The following RANBP2 variants were observed in gnomAD, a reference collection of about 807,000 sequenced individuals.
RANBP2 encodes E3 SUMO-protein ligase RanBP2.
Under a neutral mutation model 303.6 loss-of-function variants are expected in RANBP2, and 57 were observed. The observed-to-expected ratio is 0.19, with a 90% CI of 0.15 to 0.23. The LOEUF (loss-of-function observed/expected upper bound fraction) is 0.23. Among genes scored for constraint, RANBP2 ranks in the 10% least tolerant of loss-of-function variants. The pLI is 1.00. For synonymous variants in RANBP2, 1,167 were observed against 1,301.5 expected (o/e 0.90, Z 2.23); for missense variants, 3,138 against 3,780.8 (o/e 0.83, Z 4.46).
the RANBP2 span, among the ~76,000 whole-genome samples, chr2:109,158,595 G>T: frequency 6.6e-6 from 1 of 152,182 alleles, no homozygotes; most frequent in East Asian, 1.9e-4. Context: ...TCGCTGCCTG[G>T]GATGATAAGG....
chr2:109,231,058 T>C, the RANBP2 span, among the ~76,000 whole-genome samples: 56 of 152,314 alleles, frequency 3.7e-4, no homozygotes, highest in African/African-American at 1.3e-3. Flanking sequence ...AGCAGCAGAG[T>C]TGGCTTCTGG....
chr2:109,091,678 G>A, the RANBP2 span, among the ~76,000 whole-genome samples: 4 of 152,298 alleles, frequency 2.6e-5, no homozygotes, highest in Admixed American at 6.5e-5. Context: ...CAATGGATCC[G>A]GAGGCCAGCC....
the RANBP2 span, among the ~76,000 whole-genome samples, chr2:109,216,115 G>A: frequency 6.6e-6 from 1 of 152,204 alleles, no homozygotes; most frequent in Non-Finnish European, 1.5e-5. Context: ...GAACCCGGGG[G>A]ACATCGTGAG....
At chr2:109,369,141 G>A in the RANBP2 span, among the ~76,000 whole-genome samples, 19,633 of 151,340 alleles carry the variant, frequency 0.13, 1,420 homozygotes, top group Middle Eastern at 0.23. Context: ...TCAGGGGATC[G>A]AGACCATCCT....
chr2:109,275,270 G>C, the RANBP2 span, among the ~76,000 whole-genome samples: 1 of 152,094 alleles, frequency 6.6e-6, no homozygotes, highest in Non-Finnish European at 1.5e-5. Context: ...ACCCTCTCTT[G>C]TGATCCAGAG....
At chr2:109,662,398 T>C in the RANBP2 span, among the ~76,000 whole-genome samples, 1 of 152,216 alleles carries the variant, frequency 6.6e-6, no homozygotes, top group Admixed American at 6.5e-5. Context: ...AGGATTCTCC[T>C]GCCTCAGCCT....
chr2:109,079,931 G>T, the RANBP2 span, among the ~76,000 whole-genome samples: 1 of 152,226 alleles, frequency 6.6e-6, no homozygotes, highest in Admixed American at 6.5e-5. Context: ...CCATGGGTGT[G>T]AGTCACCAAG....
At chr2:108,906,430 T>C in the RANBP2 span, 1 of 1,572,556 alleles carries the variant, frequency 6.4e-7, no homozygotes. Flanking sequence ...AGGAGGCAAA[T>C]CCTCCATGTC....
At chr2:109,419,865 G>A in the RANBP2 span, among the ~76,000 whole-genome samples, 1 of 152,256 alleles carries the variant, frequency 6.6e-6, no homozygotes, top group Non-Finnish European at 1.5e-5. Flanking sequence ...TCTAAGCAGG[G>A]AGGATATTCA....
At chr2:109,146,790 GCC>G in the RANBP2 span, among the ~76,000 whole-genome samples, 1 of 116,244 alleles carries the variant, frequency 8.6e-6, no homozygotes, top group East Asian at 2.7e-4. Context: ...TTTCTTTAGT[GCC>G]CCCCCCATTC....
At chr2:108,816,148 G>T in the RANBP2 span, 1 of 1,472,964 alleles carries the variant, frequency 6.8e-7, no homozygotes, top group South Asian at 1.2e-5. Flanking sequence ...AATATATGAA[G>T]ATTAAAAAAG....
the RANBP2 span, among the ~76,000 whole-genome samples, chr2:109,469,490 G>A: frequency 1.3e-5 from 2 of 152,256 alleles, no homozygotes; most frequent in African/African-American, 2.4e-5. Flanking sequence ...TATGTGTGCA[G>A]TGGGATGGTC....
the RANBP2 span, among the ~76,000 whole-genome samples, chr2:109,509,215 A>G: frequency 6.6e-6 from 1 of 152,200 alleles, no homozygotes; most frequent in East Asian, 1.9e-4. Context: ...CACCTCATGT[A>G]TTCAGGCCTT....
the RANBP2 span, among the ~76,000 whole-genome samples, chr2:109,425,947 G>C: frequency 2.0e-5 from 3 of 152,044 alleles, 1 homozygote; most frequent in East Asian, 5.8e-4. Flanking sequence ...GTCCAGGCTG[G>C]AGTGCAGTGG....
At chr2:108,731,040 ATTGT>A (rs1377361545) in intron 3 of RANBP2, among the ~76,000 whole-genome samples, 155 bp downstream of exon 3, 1 of 152,254 alleles carries the variant, frequency 6.6e-6, no homozygotes, top group East Asian at 1.9e-4. Context: ...CAGATTTAGA[ATTGT>A]TTAACACCTA....
At chr2:108,882,115 A>C in the RANBP2 span, 1 of 152,242 alleles carries the variant, frequency 6.6e-6, no homozygotes, top group Non-Finnish European at 1.5e-5. Context: ...GATCACACCA[A>C]TGCACTCCGG....
chr2:108,819,816 CAA>C, the RANBP2 span, among the ~76,000 whole-genome samples: 1 of 151,956 alleles, frequency 6.6e-6, no homozygotes, highest in Non-Finnish European at 1.5e-5. Flanking sequence ...TTGATCAAAT[CAA>C]AGAAGAAAAC....
the RANBP2 span, among the ~76,000 whole-genome samples, chr2:109,397,292 G>GT: frequency 6.6e-6 from 1 of 152,006 alleles, no homozygotes; most frequent in Non-Finnish European, 1.5e-5. Flanking sequence ...CATTTACTCA[G>GT]TTTTTTTCTG....
the RANBP2 span, among the ~76,000 whole-genome samples, chr2:109,674,974 C>CT: frequency 6.6e-6 from 1 of 152,112 alleles, no homozygotes. Flanking sequence ...TTTTCAGCTA[C>CT]TTTTTTTCTT....
Sources: allele counts gnomAD v4.1 joint callset (sites outside exome capture counted in the v4.1 genomes callset), GRCh38; gene constraint gnomAD v4.1.1; transcripts MANE v1.5; gene names NCBI Gene and HGNC (gene_info 2026-07-23, HGNC 2026-07-21).